The following ADAM32 variants were observed in gnomAD, a reference collection of about 807,000 sequenced individuals.
ADAM32 encodes the protein ADAM metallopeptidase domain 32, also known as disintegrin and metalloproteinase domain-containing protein 32.
In ADAM32, 89 loss-of-function variants were observed where a neutral mutation model predicts 114.9. That is an observed-to-expected ratio of 0.77 (90% confidence interval 0.65 to 0.92). The LOEUF is 0.92. Among genes scored for constraint, ADAM32 ranks in the 40% least tolerant of loss-of-function variants. The probability of loss-of-function intolerance (pLI) is 0.00; values close to 1 mark genes in which losing one functional copy is unlikely to be tolerated. For missense variants in ADAM32, 870 were observed against 932.8 expected, an observed-to-expected ratio of 0.93 and a Z score of 0.88; for synonymous variants, 285 against 307.5, an observed-to-expected ratio of 0.93 and a Z score of 0.77.
intron 4 of ADAM32, among the ~76,000 whole-genome samples, chr8:39,148,590 G>T (rs182581854): frequency 6.6e-6 from 1 of 151,116 alleles, no homozygotes; most frequent in Non-Finnish European, 1.5e-5. Flanking sequence ...TAATCATCCC[G>T]AGGGCAGGGC....
At chr8:39,108,982 A>G (rs891562100) in intron 1 of ADAM32, among the ~76,000 whole-genome samples, 1 of 152,070 alleles carries the variant, frequency 6.6e-6, no homozygotes, top group East Asian at 1.9e-4. Flanking sequence ...TATGCCTAAA[A>G]CCCTGATTAC....
intron 23 of ADAM32, among the ~76,000 whole-genome samples, chr8:39,281,511 G>C (rs933159323): frequency 6.6e-6 from 1 of 152,116 alleles, no homozygotes; most frequent in African/African-American, 2.4e-5. Flanking sequence ...GATACACAAA[G>C]GGGAAATAGT....
At chr8:39,202,305 A>G (rs888255111) in intron 11 of ADAM32, among the ~76,000 whole-genome samples, 35 of 151,922 alleles carry the variant, frequency 2.3e-4, no homozygotes, top group Non-Finnish European at 4.4e-4. Flanking sequence ...CAATTTCAGA[A>G]CCTGTTATTG....
At chr8:39,233,826 C>A in intron 15 of ADAM32, 73 bp from the exon 16 acceptor site, 2 of 1,061,740 alleles carry the variant, frequency 1.9e-6, no homozygotes, top group African/African-American at 1.7e-5. Context: ...TTTTGCATCA[C>A]AGAAAGCAAA....
At chr8:39,193,763 G>T (rs1253990313) in intron 11 of ADAM32, among the ~76,000 whole-genome samples, 1 of 152,118 alleles carries the variant, frequency 6.6e-6, no homozygotes, top group Admixed American at 6.5e-5. Flanking sequence ...TTTTTAGGGG[G>T]CCAAGGCTAG....
At chr8:39,154,497 CAT>C (rs1411266522) in intron 6 of ADAM32, among the ~76,000 whole-genome samples, 12 of 152,156 alleles carry the variant, frequency 7.9e-5, no homozygotes, top group Admixed American at 7.9e-4. Context: ...CAGCAATAAA[CAT>C]ATGTGTGCAT....
intron 11 of ADAM32, among the ~76,000 whole-genome samples, chr8:39,204,000 C>A (rs528435754): frequency 1.3e-5 from 2 of 152,140 alleles, no homozygotes; most frequent in Admixed American, 6.6e-5. Flanking sequence ...CTGAGAGATC[C>A]GCTGTTAGTC....
chr8:39,272,053 G>C (rs1812764376), intron 20 of ADAM32, among the ~76,000 whole-genome samples: 1 of 127,384 alleles, frequency 7.9e-6, no homozygotes, highest in South Asian at 2.7e-4. Context: ...GATTCATTTA[G>C]CTTAGGAGTT....
chr8:39,252,928 C>G (rs543102184), intron 17 of ADAM32, among the ~76,000 whole-genome samples: 1 of 151,508 alleles, frequency 6.6e-6, no homozygotes, highest in Non-Finnish European at 1.5e-5. Flanking sequence ...AACTTTCTAG[C>G]GAAGAAAATC....
intron 10 of ADAM32, among the ~76,000 whole-genome samples, chr8:39,185,636 C>T (rs1806188588): frequency 6.6e-6 from 1 of 152,160 alleles, no homozygotes; most frequent in South Asian, 2.1e-4. Context: ...GTTAACATGA[C>T]TCCTGCTTTT....
chr8:39,176,731 T>C (rs1439686009), intron 10 of ADAM32, among the ~76,000 whole-genome samples: 1 of 152,208 alleles, frequency 6.6e-6, no homozygotes, highest in Non-Finnish European at 1.5e-5. Flanking sequence ...GTTCAAGTCC[T>C]GTATATCTTT....
chr8:39,234,370 C>T (rs1320628561), intron 16 of ADAM32, among the ~76,000 whole-genome samples: 1 of 150,822 alleles, frequency 6.6e-6, no homozygotes, highest in Non-Finnish European at 1.5e-5. Context: ...TTAAGAACCT[C>T]ATAGCATGGG....
chr8:39,188,131 A>G (rs1170913740), intron 11 of ADAM32, among the ~76,000 whole-genome samples: 2 of 152,184 alleles, frequency 1.3e-5, no homozygotes, highest in African/African-American at 4.8e-5. Flanking sequence ...TTTAAGGGTT[A>G]ACTCTTATGT....
At chr8:39,184,543 C>T (rs1806100887) in intron 10 of ADAM32, among the ~76,000 whole-genome samples, 1 of 152,194 alleles carries the variant, frequency 6.6e-6, no homozygotes, top group African/African-American at 2.4e-5. Flanking sequence ...TTCAGGGTAA[C>T]TTTAGTTCTG....
intron 6 of ADAM32, among the ~76,000 whole-genome samples, chr8:39,156,151 T>A (rs112273815): frequency 6.6e-5 from 10 of 152,040 alleles, no homozygotes; most frequent in African/African-American, 2.4e-4. Context: ...AATAGTATCT[T>A]TTTTTTTGGA....
At chr8:39,164,950 T>C (rs748897987) in intron 8 of ADAM32, 80 bp from the exon 9 acceptor site, 195 of 1,498,390 alleles carry the variant, frequency 1.3e-4, no homozygotes, top group Non-Finnish European at 1.7e-4. Context: ...AGTGTGGGAT[T>C]GTAAAAACTT....
At chr8:39,239,521 A>C (rs936012455) in intron 16 of ADAM32, among the ~76,000 whole-genome samples, 1 of 152,184 alleles carries the variant, frequency 6.6e-6, no homozygotes. Flanking sequence ...ATGAAAAAAT[A>C]ATCAAGATAT....
At chr8:39,250,102 C>T (rs1465222334) in intron 17 of ADAM32, among the ~76,000 whole-genome samples, 1 of 151,904 alleles carries the variant, frequency 6.6e-6, no homozygotes, top group Non-Finnish European at 1.5e-5. Context: ...GTTGCTTGAT[C>T]TGTGATTTGT....
intron 17 of ADAM32, among the ~76,000 whole-genome samples, chr8:39,252,354 T>C (rs768994005): frequency 1.3e-5 from 2 of 150,024 alleles, no homozygotes; most frequent in African/African-American, 2.5e-5. Flanking sequence ...TGAACAACCA[T>C]TGGGCTAAAC....
Sources: allele counts gnomAD v4.1 joint callset (sites outside exome capture counted in the v4.1 genomes callset), GRCh38; gene constraint gnomAD v4.1.1; transcripts MANE v1.5; gene names NCBI Gene and HGNC (gene_info 2026-07-23, HGNC 2026-07-21).